Variants in SETX observed in about 807,000 individuals in gnomAD.
SETX encodes senataxin.
Under a neutral mutation model 227.2 loss-of-function variants are expected in SETX, and 90 were observed. The observed-to-expected ratio is 0.40, with a 90% confidence interval of 0.33 to 0.47. The LOEUF is 0.47. Ranked by LOEUF, SETX falls within the 20% of genes least tolerant of loss-of-function variation. SETX has a pLI of 0.91. For missense variants in SETX, 3,052 were observed against 3,181.5 expected, an observed-to-expected ratio of 0.96 and a Z score of 0.98; for synonymous variants, 1,210 against 1,113.2, an observed-to-expected ratio of 1.09 and a Z score of -1.73.
chr9:132,277,658 A>G (rs140438219), intron 21 of SETX, among the ~76,000 whole-genome samples: 1 of 151,810 alleles, frequency 6.6e-6, no homozygotes, highest in East Asian at 1.9e-4. Flanking sequence ...GTGGTGACTG[A>G]GTGTAGTCCC....
chr9:132,297,979 C>T, intron 13 of SETX, 101 bp downstream of exon 13: 1 of 1,010,322 alleles, frequency 9.9e-7, no homozygotes, highest in Non-Finnish European at 1.5e-6. Context: ...TCACCGTGAA[C>T]ACATTTTTGT....
rs1368180615 is a variant in SETX, at chr9:132,329,668, T to A, written c.1930A>T (p.Thr644Ser). 1 of 1,613,858 alleles carries A rather than the reference T, an allele frequency of 6.2e-7. No individual in the cohort carries two copies. Among genetic ancestry groups the A allele is most frequent in the African/African-American group, 1.3e-5 (1 of 75,012 alleles). Residue 644 changes from threonine (T) to serine (S), a missense_variant, in exon 10 of 26, where the codon ACA becomes TCA. Coordinates refer to ENST00000224140, the MANE Select transcript of SETX (RefSeq NM_015046.7). ...ACTTTCATTGGTTCTTTAGAAAATG[T>A]TGGGCTGGAAGCTTCCAAACAATGC... is the stretch of plus-strand genomic sequence containing the variant. ...DMHCLEASSP[T>S]FSKEPMKVQD... is the part of the protein sequence containing the mutation.
At chr9:132,277,550 G>A (rs550273887) in intron 21 of SETX, among the ~76,000 whole-genome samples, 10 of 152,202 alleles carry the variant, frequency 6.6e-5, no homozygotes, top group African/African-American at 2.4e-4. Flanking sequence ...AGACCAAGGC[G>A]GGTGGATTGC....
At chr9:132,269,452 T>C in intron 25 of SETX, 163 bp downstream of exon 25, 1 of 1,586,712 alleles carries the variant, frequency 6.3e-7, no homozygotes, top group Non-Finnish European at 8.6e-7. Context: ...AAAAGGCGAA[T>C]GGTTCACGTG....
chr9:132,290,656 A>G (rs1449251771), intron 15 of SETX, among the ~76,000 whole-genome samples: 1 of 148,774 alleles, frequency 6.7e-6, no homozygotes, highest in Non-Finnish European at 1.5e-5. Flanking sequence ...GCACTTTGGG[A>G]GGCCAAGGTA....
chr9:132,313,864 A>G (rs1374755292), intron 10 of SETX, among the ~76,000 whole-genome samples: 1 of 151,230 alleles, frequency 6.6e-6, no homozygotes, highest in African/African-American at 2.4e-5. Context: ...AAGCTCCCTG[A>G]ACATAAGAAC....
rs753022992 is a variant in SETX, at chr9:132,327,788, C to T, written c.3810G>A (p.Pro1270=). Residue 1270 remains proline (P), a synonymous_variant, in exon 10 of 26, where the codon CCG becomes CCA. Transcript: ENST00000224140. ...LSCRTTPAIV[P]PKKFRQCPEP... ...CAGGACACTGACGAAATTTCTTTGG[C>T]GGCACTATAGCAGGAGTTGTTCTAC... 25 of 1,614,120 alleles carry T rather than the reference C, an allele frequency of 1.5e-5. No individual in the cohort carries two copies. The highest frequency in any genetic ancestry group is 5.3e-5 in the African/African-American group (4 of 75,020).
At chr9:132,309,620 C>G (rs547657405) in intron 11 of SETX, among the ~76,000 whole-genome samples, 2 of 151,908 alleles carry the variant, frequency 1.3e-5, no homozygotes, top group Admixed American at 6.6e-5. Flanking sequence ...ACAGGAGGAT[C>G]ACTTGAGACC....
rs373532819 is a variant in SETX at position 132,315,280 on chromosome 9, C to T, written c.5275-3424G>A. Among the ~76,000 whole-genome samples the T allele has an allele frequency of 2.0e-5, 3 of 152,250 alleles. No individual in the cohort carries two copies. The East Asian group carries it at 5.8e-4, about 29-fold the overall frequency. ...GGAAAAGAAGTTCCTGCAGCACTGGCTCCCAATAACCAAGACTGTCCTTGA... is the reference window on the plus strand; with the variant it reads ...GGAAAAGAAGTTCCTGCAGCACTGGTTCCCAATAACCAAGACTGTCCTTGA... On this transcript the variant is annotated intron_variant, in intron 10 of 25. Coordinates refer to ENST00000224140, the MANE Select transcript of SETX (RefSeq NM_015046.7).
intron 10 of SETX, among the ~76,000 whole-genome samples, chr9:132,323,173 C>A (rs1428678605): frequency 1.3e-5 from 2 of 152,100 alleles, no homozygotes; most frequent in Non-Finnish European, 2.9e-5. Context: ...GAGATACAGA[C>A]CCAACCCAAG....
At chr9:132,338,020 T>C (rs1362832880) in intron 5 of SETX, among the ~76,000 whole-genome samples, 1 of 151,288 alleles carries the variant, frequency 6.6e-6, no homozygotes, top group Non-Finnish European at 1.5e-5. Flanking sequence ...TACATGGTAC[T>C]CCAGCTGGGA....
At chr9:132,273,337 A>G (rs1842988779) in intron 23 of SETX, among the ~76,000 whole-genome samples, 1 of 152,058 alleles carries the variant, frequency 6.6e-6, no homozygotes, top group East Asian at 1.9e-4. Context: ...TGATTTTTGT[A>G]TAATTAGTAG....
intron 25 of SETX, among the ~76,000 whole-genome samples, chr9:132,268,904 G>A (rs1444858568): frequency 6.6e-6 from 1 of 152,208 alleles, no homozygotes; most frequent in Admixed American, 6.5e-5. Flanking sequence ...AAGAAAGAAG[G>A]TGTATCTGAG....
intron 4 of SETX, among the ~76,000 whole-genome samples, chr9:132,345,587 TTAA>T (rs1360037942): frequency 1.3e-5 from 2 of 151,562 alleles, no homozygotes; most frequent in East Asian, 3.9e-4. Context: ...ATGAAAATTA[TTAA>T]TAATTGAACA....
chr9:132,283,474 C>T, intron 18 of SETX, 61 bp from the exon 19 acceptor site: 1 of 1,570,468 alleles, frequency 6.4e-7, no homozygotes, highest in Non-Finnish European at 8.8e-7. Context: ...TATGACAGGC[C>T]TATGTTTACT....
At chr9:132,316,370 A>G (rs920275197) in intron 10 of SETX, among the ~76,000 whole-genome samples, 1 of 152,212 alleles carries the variant, frequency 6.6e-6, no homozygotes, top group East Asian at 1.9e-4. Flanking sequence ...CAGTTTAGGA[A>G]TGTTTTAAAA....
chr9:132,331,610 A>C (rs1847238313), intron 7 of SETX, among the ~76,000 whole-genome samples, 162 bp from the exon 8 acceptor site: 1 of 152,080 alleles, frequency 6.6e-6, no homozygotes, highest in Non-Finnish European at 1.5e-5. Flanking sequence ...TCAGACACAC[A>C]GAGGGTTTCA....
At chr9:132,276,093 G>A (rs147679777) in intron 22 of SETX, among the ~76,000 whole-genome samples, 49 of 152,176 alleles carry the variant, frequency 3.2e-4, no homozygotes, top group African/African-American at 1.2e-3. Context: ...CAAGACCAGG[G>A]GATGCACTGC....
At position 132,342,833 on chromosome 9, in the gene SETX, CT is replaced by C. The variant is rs776022942; in HGVS notation, c.389-35del. 4 of 1,417,694 alleles carry C rather than the reference CT, an allele frequency of 2.8e-6. No homozygotes were observed. In the Admixed American group the frequency reaches 6.7e-5, roughly 24 times the overall value. 87.8% of individuals were successfully genotyped at this position (1,417,694 alleles called of 1,614,324 possible). A position where few individuals can be genotyped will look rare whatever the true frequency, so the allele number is the denominator to read the frequency against. ...AAAAAAATAAGTAAAATACATAAATCTTATCACCTTATCAAGATTCCCTAAA... is the reference window on the plus strand; with the variant it reads ...AAAAAAATAAGTAAAATACATAAATCTATCACCTTATCAAGATTCCCTAAA... On this transcript the variant is annotated intron_variant, in intron 4 of 25. Transcript: ENST00000224140.
Sources: allele counts gnomAD v4.1 joint callset (sites outside exome capture counted in the v4.1 genomes callset), GRCh38; gene constraint gnomAD v4.1.1; transcripts MANE v1.5; gene names NCBI Gene and HGNC (gene_info 2026-07-23, HGNC 2026-07-21).